Variants in LDLRAD3 observed in about 807,000 individuals in gnomAD.
LDLRAD3 encodes the protein low-density lipoprotein receptor class A domain-containing protein 3.
LDLRAD3 carries 20 observed loss-of-function variants against 29.4 expected under a neutral mutation model. The ratio of observed to expected loss-of-function variants is 0.68; its 90% confidence interval spans 0.48 to 0.99. The LOEUF is 0.99. LDLRAD3 is among the 50% of genes least tolerant of loss of function. LDLRAD3 has a pLI of 0.00. For synonymous variants in LDLRAD3, 157 were observed against 192.7 expected, an observed-to-expected ratio of 0.81 and a Z score of 1.53; for missense variants, 420 against 454.3, an observed-to-expected ratio of 0.92 and a Z score of 0.69.
intron 3 of LDLRAD3, among the ~76,000 whole-genome samples, chr11:36,095,796 C>G (rs1383528824): frequency 6.6e-6 from 1 of 152,146 alleles, no homozygotes; most frequent in African/African-American, 2.4e-5. Context: ...TCTTGGAGCA[C>G]TTAGAATGCC....
chr11:36,045,346 T>C (rs1852434213), intron 2 of LDLRAD3, among the ~76,000 whole-genome samples: 1 of 152,242 alleles, frequency 6.6e-6, no homozygotes, highest in Non-Finnish European at 1.5e-5. Context: ...TCTGGTTTTA[T>C]TAGTTTCCTA....
intron 4 of LDLRAD3, among the ~76,000 whole-genome samples, chr11:36,223,916 A>G (rs1855463408): frequency 1.3e-5 from 2 of 151,578 alleles, no homozygotes; most frequent in Admixed American, 1.3e-4. Flanking sequence ...TTCATTAGTG[A>G]GGGATGATGA....
chr11:36,166,930 G>A (rs1474278240), intron 4 of LDLRAD3, among the ~76,000 whole-genome samples: 1 of 152,136 alleles, frequency 6.6e-6, no homozygotes. Context: ...GTTGAATAAT[G>A]TTCTCCATAA....
At chr11:36,210,202 A>G (rs947096616) in intron 4 of LDLRAD3, among the ~76,000 whole-genome samples, 7 of 152,312 alleles carry the variant, frequency 4.6e-5, no homozygotes, top group African/African-American at 1.4e-4. Flanking sequence ...GTGCTAGGAA[A>G]TGTAGGATGA....
At chr11:35,990,419 C>T (rs1213585502) in intron 1 of LDLRAD3, among the ~76,000 whole-genome samples, 1 of 151,872 alleles carries the variant, frequency 6.6e-6, no homozygotes, top group Non-Finnish European at 1.5e-5. Context: ...CAATCTCTGC[C>T]TCCATCTTTT....
At chr11:36,163,510 C>T (rs7948709) in intron 4 of LDLRAD3, 47,471 of 151,944 alleles carry the variant, frequency 0.31, 8,622 homozygotes, top group African/African-American at 0.49. Context: ...AAATAGATTT[C>T]GGAGAATGGT....
Position 35,988,427 on chromosome 11 carries a change from T to C in LDLRAD3, c.46+44283T>C, listed in dbSNP as rs556090386. 1.0e-3 allele frequency among the ~76,000 whole-genome samples: 158 copies of C among 152,304 alleles called. 1 individual carries two copies. The highest frequency in any genetic ancestry group is 2.0e-3 in the Admixed American group (31 of 15,294). On this transcript the variant is annotated intron_variant, in intron 1 of 5. Coordinates refer to ENST00000315571, the MANE Select transcript of LDLRAD3 (RefSeq NM_174902.4). Reference sequence around the variant, plus strand: ...ACTTTTTAATGAGGTTATTTGATTTTTGCTTTTCGAATTAAGTTCCTTATG... The same window carrying C: ...ACTTTTTAATGAGGTTATTTGATTTCTGCTTTTCGAATTAAGTTCCTTATG...
chr11:36,017,745 C>CA (rs1480623451), intron 1 of LDLRAD3, among the ~76,000 whole-genome samples: 1 of 152,006 alleles, frequency 6.6e-6, no homozygotes, highest in Non-Finnish European at 1.5e-5. Context: ...GGCTGGTCTC[C>CA]AACTCCCGAC....
rs117118549 is a variant in LDLRAD3, at chr11:36,094,599, G to A, written c.320-3728G>A. Among the ~76,000 whole-genome samples the A allele has an allele frequency of 6.2e-3, 948 of 152,252 alleles. 52 individuals carry two copies. In the East Asian group the frequency reaches 0.13, roughly 22 times the overall value. ...CACCCCGGCTGGAGTGCAGTGGCAC[G>A]GACTCGGCTCATTTCAACTTCTGCC... On this transcript the variant is annotated intron_variant, in intron 3 of 5. Coordinates refer to ENST00000315571, the MANE Select transcript of LDLRAD3 (RefSeq NM_174902.4).
At position 36,123,472 on chromosome 11, in the gene LDLRAD3, C is replaced by A. The variant is rs556993158; in HGVS notation, c.454+25011C>A. ...AGTATTAGAAGTACAAAATCGCAAG[C>A]CCAGCTCTATAAGCATATTTTAAGC... On this transcript the variant is annotated intron_variant, in intron 4 of 5. Transcript: ENST00000315571. 2.0e-5 allele frequency among the ~76,000 whole-genome samples: 3 copies of A among 152,342 alleles called. No individual in the cohort carries two copies. In the East Asian group the frequency reaches 5.8e-4, roughly 29 times the overall value.
chr11:36,063,678 G>A (rs1420147650), intron 2 of LDLRAD3, among the ~76,000 whole-genome samples: 1 of 152,118 alleles, frequency 6.6e-6, no homozygotes, highest in Non-Finnish European at 1.5e-5. Flanking sequence ...AGACTATCCA[G>A]TGAATTTTCT....
At chr11:36,162,032 A>G (rs1854447250) in intron 4 of LDLRAD3, among the ~76,000 whole-genome samples, 2 of 152,046 alleles carry the variant, frequency 1.3e-5, no homozygotes, top group African/African-American at 4.8e-5. Context: ...CTGAAGTAAA[A>G]CTATAAATCA....
intron 4 of LDLRAD3, among the ~76,000 whole-genome samples, chr11:36,105,658 A>G (rs1340981830): frequency 5.3e-5 from 8 of 152,146 alleles, no homozygotes; most frequent in Non-Finnish European, 1.0e-4. Context: ...GGGATGATGC[A>G]TTTACAAGCC....
intron 2 of LDLRAD3, among the ~76,000 whole-genome samples, chr11:36,044,125 T>C (rs262442): frequency 0.99 from 150,536 of 152,240 alleles, 74,450 homozygotes; most frequent in East Asian, 1. Flanking sequence ...ACTGAGTTCT[T>C]CCCCCAGCTT....
intron 2 of LDLRAD3, among the ~76,000 whole-genome samples, chr11:36,040,161 A>C (rs1420837209): frequency 1.8e-5 from 1 of 56,434 alleles, no homozygotes; most frequent in African/African-American, 5.8e-5. Context: ...TGGAAAGATA[A>C]TACGCTTCTT....
chr11:36,103,081 C>T (rs1302252849), intron 4 of LDLRAD3, among the ~76,000 whole-genome samples: 1 of 152,000 alleles, frequency 6.6e-6, no homozygotes, highest in Non-Finnish European at 1.5e-5. Flanking sequence ...ATCTCCAGAA[C>T]GTTTTCATTT....
chr11:36,162,700 C>A (rs1176638971), intron 4 of LDLRAD3, among the ~76,000 whole-genome samples: 1 of 152,186 alleles, frequency 6.6e-6, no homozygotes, highest in Non-Finnish European at 1.5e-5. Context: ...TAGCTTCCCA[C>A]TGGAGACTGA....
At chr11:36,068,962 C>T (rs1264218957) in intron 2 of LDLRAD3, among the ~76,000 whole-genome samples, 3 of 152,200 alleles carry the variant, frequency 2.0e-5, no homozygotes, top group East Asian at 1.9e-4. Context: ...AACTGGATGC[C>T]TTCTTTCTGT....
At chr11:35,968,554 T>C (rs2133144373) in intron 1 of LDLRAD3, 1 of 233,524 alleles carries the variant, frequency 4.3e-6, no homozygotes, top group Non-Finnish European at 8.7e-6. Context: ...ATGTAAGCAT[T>C]GCCTCTGAAT....
Sources: allele counts gnomAD v4.1 joint callset (sites outside exome capture counted in the v4.1 genomes callset), GRCh38; gene constraint gnomAD v4.1.1; transcripts MANE v1.5; gene names NCBI Gene and HGNC (gene_info 2026-07-23, HGNC 2026-07-21).